Variants in CADPS observed in about 807,000 individuals in gnomAD.
CADPS encodes the protein calcium-dependent secretion activator 1.
A neutral mutation model predicts 167.3 loss-of-function variants in CADPS; 57 were observed. The observed-to-expected ratio is 0.34, with a 90% CI of 0.28 to 0.42. The LOEUF (loss-of-function observed/expected upper bound fraction) is 0.42. Ranked by LOEUF, CADPS falls within the 20% of genes least tolerant of loss-of-function variation. CADPS has a pLI of 1.00. For synonymous variants in CADPS, 676 were observed against 635.3 expected (o/e 1.06, Z -0.96); for missense variants, 1,414 against 1,738.1 (o/e 0.81, Z 3.32).
intron 29 of CADPS, 25 bp downstream of exon 29, chr3:62,403,056 G>C: frequency 7.0e-7 from 1 of 1,424,112 alleles, no homozygotes; most frequent in Non-Finnish European, 9.9e-7. Flanking sequence ...TATTTGCAAA[G>C]AAGAATAATA....
chr3:62,610,436 A>G (rs2061348607), intron 6 of CADPS, among the ~76,000 whole-genome samples: 1 of 151,982 alleles, frequency 6.6e-6, no homozygotes, highest in Admixed American at 6.6e-5. Flanking sequence ...TTTTTACTAG[A>G]GACAGGGTTT....
At chr3:62,760,344 A>C (rs1266026873) in intron 2 of CADPS, among the ~76,000 whole-genome samples, 1 of 152,180 alleles carries the variant, frequency 6.6e-6, no homozygotes, top group Non-Finnish European at 1.5e-5. Flanking sequence ...GAGGTCCCAG[A>C]GTCAGTGTGT....
intron 11 of CADPS, among the ~76,000 whole-genome samples, chr3:62,543,441 T>C (rs2076018232): frequency 6.6e-6 from 1 of 152,128 alleles, no homozygotes; most frequent in Admixed American, 6.6e-5. Flanking sequence ...CATCCATCCT[T>C]TCTTTCATTC....
chr3:62,821,729 T>C (rs933500143), intron 1 of CADPS, among the ~76,000 whole-genome samples: 1 of 152,160 alleles, frequency 6.6e-6, no homozygotes, highest in African/African-American at 2.4e-5. Flanking sequence ...GATGACACAG[T>C]CATAGGTATC....
intron 6 of CADPS, among the ~76,000 whole-genome samples, chr3:62,635,174 C>T (rs1274982158): frequency 6.6e-6 from 1 of 152,200 alleles, no homozygotes; most frequent in Non-Finnish European, 1.5e-5. Flanking sequence ...AGTCCCGCTA[C>T]ATTTGGCTCA....
At chr3:62,672,589 C>CCCCT (rs1446350375) in intron 3 of CADPS, among the ~76,000 whole-genome samples, 1 of 152,140 alleles carries the variant, frequency 6.6e-6, no homozygotes, top group Admixed American at 6.6e-5. Context: ...TCTTGCTTGG[C>CCCCT]CCCTGGTCAA....
chr3:62,625,608 G>T (rs141968807), intron 6 of CADPS: 17 of 150,938 alleles, frequency 1.1e-4, no homozygotes, highest in African/African-American at 3.5e-4. Flanking sequence ...TATATTTATA[G>T]ATTTCTTTCT....
chr3:62,789,883 T>C (rs569118931), intron 1 of CADPS, among the ~76,000 whole-genome samples: 1 of 152,264 alleles, frequency 6.6e-6, no homozygotes, highest in East Asian at 1.9e-4. Flanking sequence ...CTGCTCTCAC[T>C]CCCTTCAACA....
In CADPS at chr3:62,609,627, A is replaced by G. The variant is rs149787287; in HGVS notation, c.1326-16879T>C. ...TGAGCATCAGTTTCCTCATCTGTAC[A>G]ATAGGAATAAGCAAAGCACCTACCT... On this transcript the variant is annotated intron_variant, in intron 6 of 29. Coordinates refer to ENST00000383710, the MANE Select transcript of CADPS (RefSeq NM_003716.4). Among the ~76,000 whole-genome samples the G allele has an allele frequency of 5.3e-5, 8 of 152,304 alleles. No individual in the cohort carries two copies. In the East Asian group the frequency reaches 1.5e-3, roughly 29 times the overall value.
At chr3:62,400,242 G>T (rs1397671890) in intron 29 of CADPS, among the ~76,000 whole-genome samples, 2 of 152,164 alleles carry the variant, frequency 1.3e-5, no homozygotes, top group African/African-American at 4.8e-5. Context: ...TCTCAGGGAA[G>T]AAATTTGGCT....
chr3:62,715,019 A>C (rs1401788448), intron 3 of CADPS, among the ~76,000 whole-genome samples: 4 of 152,210 alleles, frequency 2.6e-5, no homozygotes, highest in Admixed American at 6.5e-5. Context: ...TGTTATAGGC[A>C]TCATAACGGT....
chr3:62,797,013 C>T (rs2093457497), intron 1 of CADPS, among the ~76,000 whole-genome samples: 1 of 151,978 alleles, frequency 6.6e-6, no homozygotes, highest in African/African-American at 2.4e-5. Flanking sequence ...ACAATTTTAC[C>T]AACTGCATAT....
At chr3:62,667,784 A>G (rs1370277285) in intron 3 of CADPS, among the ~76,000 whole-genome samples, 1 of 151,612 alleles carries the variant, frequency 6.6e-6, no homozygotes, top group Non-Finnish European at 1.5e-5. Flanking sequence ...ACGTCTGCAG[A>G]CAGAATTTTG....
chr3:62,528,176 A>G (rs549348754), intron 13 of CADPS, among the ~76,000 whole-genome samples: 2 of 152,312 alleles, frequency 1.3e-5, no homozygotes, highest in East Asian at 3.9e-4. Context: ...ATCTCACACC[A>G]TATACAAGTG....
chr3:62,627,860 A>G (rs1386593864), intron 6 of CADPS, among the ~76,000 whole-genome samples: 1 of 152,118 alleles, frequency 6.6e-6, no homozygotes, highest in African/African-American at 2.4e-5. Flanking sequence ...TTTCCTCAAA[A>G]AGCCATTATA....
chr3:62,556,197 T>C (rs941616849), intron 10 of CADPS, among the ~76,000 whole-genome samples: 1 of 152,144 alleles, frequency 6.6e-6, no homozygotes, highest in African/African-American at 2.4e-5. Flanking sequence ...TGCATGAAAT[T>C]GTTTGTTTCA....
intron 3 of CADPS, among the ~76,000 whole-genome samples, chr3:62,752,789 A>G (rs1012058831): frequency 2.0e-5 from 3 of 152,360 alleles, no homozygotes; most frequent in African/African-American, 7.2e-5. Context: ...TCAGACTGCA[A>G]AATAGGCACG....
Position 62,407,791 on chromosome 3 carries a change from T to C in CADPS, c.3778-4606A>G, listed in dbSNP as rs2048198802. On this transcript the variant is annotated intron_variant, in intron 28 of 29. Transcript: ENST00000383710. The stretch of plus-strand genomic sequence containing the variant: ...GCTCTGTGTTCAGGCTGGAGTGCAG[T>C]GGCATGATCTTGGCTCACTGCAACC... 3.3e-5 allele frequency among the ~76,000 whole-genome samples: 5 copies of C among 152,338 alleles called. No individual in the cohort carries two copies. The South Asian group carries it at 1.0e-3, about 32-fold the overall frequency.
chr3:62,698,354 A>C (rs2080733013), intron 3 of CADPS, among the ~76,000 whole-genome samples: 1 of 151,996 alleles, frequency 6.6e-6, no homozygotes, highest in Non-Finnish European at 1.5e-5. Flanking sequence ...GTTACTTCCC[A>C]CTGTTTCATG....
Sources: allele counts gnomAD v4.1 joint callset (sites outside exome capture counted in the v4.1 genomes callset), GRCh38; gene constraint gnomAD v4.1.1; transcripts MANE v1.5; gene names NCBI Gene and HGNC (gene_info 2026-07-23, HGNC 2026-07-21).